RGS7: variants seen among roughly 807,000 people sequenced by gnomAD.
RGS7 encodes regulator of G protein signaling 7, also known as regulator of G-protein signaling 7.
A neutral mutation model predicts 81.1 loss-of-function variants in RGS7; 27 were observed. The observed-to-expected ratio is 0.33, with a 90% CI of 0.25 to 0.46. The LOEUF (loss-of-function observed/expected upper bound fraction) is 0.46. Ranked by LOEUF, RGS7 falls within the 20% of genes least tolerant of loss-of-function variation. The probability of loss-of-function intolerance (pLI) is 1.00; values close to 1 mark genes in which losing one functional copy is unlikely to be tolerated. For missense variants in RGS7, 396 were observed against 607.4 expected, an observed-to-expected ratio of 0.65 and a Z score of 3.66; for synonymous variants, 208 against 207.7, an observed-to-expected ratio of 1.00 and a Z score of -0.01.
At chr1:240,925,887 G>A (rs1287888589) in intron 6 of RGS7, among the ~76,000 whole-genome samples, 6 of 152,120 alleles carry the variant, frequency 3.9e-5, no homozygotes, top group Non-Finnish European at 2.9e-5. Context: ...GTAATGTTGA[G>A]CATTTTCTTG....
rs537848598 is a variant in RGS7, at chr1:240,889,358, G to A, written c.386-19239C>T. Among the ~76,000 whole-genome samples the A allele has an allele frequency of 3.9e-5, 6 of 152,306 alleles. No homozygotes were observed. In the East Asian group the frequency reaches 1.2e-3, roughly 30 times the overall value. The stretch of plus-strand genomic sequence containing the variant: ...TCGGTACAGCAAGGGGGACTGCCCT[G>A]AGCAGAAAATAAGCAGGGAACGTTT... On this transcript the variant is annotated intron_variant, in intron 6 of 18. Transcript: ENST00000440928.
chr1:240,799,830 G>A (rs1249156870), intron 18 of RGS7, among the ~76,000 whole-genome samples: 1 of 152,142 alleles, frequency 6.6e-6, no homozygotes, highest in African/African-American at 2.4e-5. Flanking sequence ...AATTTTGATT[G>A]AAGGTGTGGA....
rs753589884 is a variant in RGS7, at chr1:241,041,071, T to G, written c.175+57595A>C. On this transcript the variant is annotated intron_variant, in intron 3 of 18. Coordinates refer to ENST00000440928, the MANE Select transcript of RGS7 (RefSeq NM_001364886.1). ...GAATTCAAAGTTTAAATACTGAGAC[T>G]CTCAGAAAATGTAAAATGCTTTTAA... 3.0e-4 allele frequency among the ~76,000 whole-genome samples: 45 copies of G among 152,298 alleles called. 1 individual carries two copies. Among genetic ancestry groups the G allele is most frequent in the South Asian group, 1.7e-3 (8 of 4,824 alleles).
intron 2 of RGS7, among the ~76,000 whole-genome samples, chr1:241,107,801 A>G (rs1418890033): frequency 6.6e-6 from 1 of 152,212 alleles, no homozygotes; most frequent in Non-Finnish European, 1.5e-5. Flanking sequence ...CCATACCTGA[A>G]TTTTGGGGCA....
chr1:241,235,648 TTCTCTCTTTCTTTCTCTTTCTC>T, intron 2 of RGS7, among the ~76,000 whole-genome samples: 1 of 149,198 alleles, frequency 6.7e-6, no homozygotes, highest in East Asian at 2.0e-4. Context: ...TTTTTTCTCA[TTCTCTCTTTCTTTCTCTTTCTC>T]TCTCTCTTTC....
In RGS7 at chr1:241,357,007, C is replaced by CGA. The variant is rs1379992961; in HGVS notation, c.-160_-159insTC. 1 of 152,000 alleles carries CGA rather than the reference C, an allele frequency of 6.6e-6. No homozygotes were observed. Among genetic ancestry groups the CGA allele is most frequent in the Non-Finnish European group, 1.5e-5 (1 of 68,040 alleles). 9.4% of individuals were successfully genotyped at this position (152,000 alleles called of 1,614,324 possible). On this transcript the variant is annotated 5_prime_UTR_variant, in exon 1 of 19. Coordinates refer to ENST00000440928, the MANE Select transcript of RGS7 (RefSeq NM_001364886.1). ...GCAGCGAGGCAGGGTAGCTTCATCA[C>CGA]ACTCGCGGCGGATGCGGATTCCGCG...
At chr1:240,948,589 C>T (rs550591287) in intron 4 of RGS7, among the ~76,000 whole-genome samples, 3 of 151,882 alleles carry the variant, frequency 2.0e-5, no homozygotes, top group Admixed American at 1.3e-4. Context: ...ATTACAGGCA[C>T]GTGCCACCAA....
intron 10 of RGS7, among the ~76,000 whole-genome samples, chr1:240,821,744 C>T (rs2103150902): frequency 6.6e-6 from 1 of 152,272 alleles, no homozygotes; most frequent in Non-Finnish European, 1.5e-5. Context: ...ATTAGCTTTT[C>T]ACTGATGCTG....
chr1:241,314,077 A>G (rs2080718985), intron 2 of RGS7, among the ~76,000 whole-genome samples: 1 of 152,234 alleles, frequency 6.6e-6, no homozygotes, highest in African/African-American at 2.4e-5. Context: ...CGCTATGAAC[A>G]TTTTTGAAAT....
chr1:241,149,099 A>G (rs2103120963), intron 2 of RGS7, among the ~76,000 whole-genome samples: 1 of 152,362 alleles, frequency 6.6e-6, no homozygotes, highest in East Asian at 1.9e-4. Flanking sequence ...TTAGCTATAT[A>G]CACAGCAAAC....
chr1:241,090,216 G>A (rs938841725), intron 3 of RGS7, among the ~76,000 whole-genome samples: 2 of 152,096 alleles, frequency 1.3e-5, no homozygotes, highest in African/African-American at 2.4e-5. Flanking sequence ...TCAGGTAAGC[G>A]GAGATAAGAT....
intron 2 of RGS7, among the ~76,000 whole-genome samples, chr1:241,199,961 T>C (rs1157291243): frequency 2.0e-5 from 3 of 152,176 alleles, no homozygotes; most frequent in Non-Finnish European, 4.4e-5. Context: ...AAAATGTGGG[T>C]GGCAGAAGTA....
At chr1:241,199,532 A>G (rs1412334361) in intron 2 of RGS7, among the ~76,000 whole-genome samples, 3 of 152,180 alleles carry the variant, frequency 2.0e-5, no homozygotes, top group Non-Finnish European at 4.4e-5. Flanking sequence ...TCAAGAACAA[A>G]GTAAAAAATG....
intron 6 of RGS7, among the ~76,000 whole-genome samples, chr1:240,899,051 C>T (rs1239141352): frequency 1.3e-5 from 2 of 152,120 alleles, no homozygotes; most frequent in African/African-American, 2.4e-5. Flanking sequence ...CCTTCTTTGT[C>T]TCTTCTGATC....
chr1:240,801,498 G>C lies in RGS7; in HGVS notation c.1370C>G (p.Ser457Ter). ...LLQAKKKSGNSMDRRTSFEKF... is the reference protein window; with the variant it reads ...LLQAKKKSGN ...TTCAAAAGATGTTCTGCGATCCATT[G>C]AGTTTCCAGACTTACGTATGTGGGG... is the stretch of plus-strand genomic sequence containing the variant. Residue 457 changes from serine (S) to a stop codon, truncating the protein, a stop_gained, in exon 17 of 19, where the codon TCA (serine) becomes TGA (stop). Transcript: ENST00000440928. LOFTEE classifies it high-confidence loss of function. The C allele has an allele frequency of 6.2e-7, 1 of 1,607,582 alleles. No individual in the cohort carries two copies. The highest frequency in any genetic ancestry group is 8.5e-7 in the Non-Finnish European group (1 of 1,174,446).
intron 5 of RGS7, among the ~76,000 whole-genome samples, chr1:240,935,504 G>A (rs1219185473): frequency 6.6e-6 from 1 of 152,132 alleles, no homozygotes; most frequent in Non-Finnish European, 1.5e-5. Context: ...ACTTAGGTCA[G>A]TATCACAGTT....
intron 9 of RGS7, among the ~76,000 whole-genome samples, chr1:240,852,550 G>A (rs1049273594): frequency 1.3e-5 from 2 of 152,044 alleles, no homozygotes; most frequent in Non-Finnish European, 1.5e-5. Flanking sequence ...TTTATATAAA[G>A]TACCAGGAAT....
chr1:240,973,802 G>A lies in RGS7; in HGVS notation c.226+9277C>T, dbSNP rs545765892. Among the ~76,000 whole-genome samples, 14 of 151,864 alleles carry A rather than the reference G, an allele frequency of 9.2e-5. 1 individual carries two copies. In the South Asian group the frequency reaches 1.0e-3, roughly 11 times the overall value. On this transcript the variant is annotated intron_variant, in intron 4 of 18. Transcript: ENST00000440928. The stretch of plus-strand genomic sequence containing the variant: ...AGAGACGGGGTTTCACCGTGGTCTC[G>A]ATCTCCTGACCTTGTGATCCATCCG...
At chr1:241,259,961 C>G (rs2077246689) in intron 2 of RGS7, among the ~76,000 whole-genome samples, 1 of 151,990 alleles carries the variant, frequency 6.6e-6, no homozygotes. Flanking sequence ...TGGTTTTTAT[C>G]CCCATAATTA....
Sources: gnomAD v4.1 joint callset for allele counts (sites outside exome capture counted in the v4.1 genomes callset) on GRCh38, gnomAD v4.1.1 for gene constraint, MANE v1.5 for transcripts, NCBI Gene and HGNC (gene_info 2026-07-23, HGNC 2026-07-21) for gene names.